The following ZRANB1 variants were observed in gnomAD, a reference collection of about 807,000 sequenced individuals.
ZRANB1 encodes the protein ubiquitin thioesterase ZRANB1.
Under a neutral mutation model 80.5 loss-of-function variants are expected in ZRANB1, and 16 were observed. The ratio of observed to expected loss-of-function variants is 0.20; its 90% CI spans 0.13 to 0.30. The LOEUF (loss-of-function observed/expected upper bound fraction) is 0.30, where lower values mean the gene tolerates loss of function less well. Ranked by LOEUF, ZRANB1 falls within the 10% of genes least tolerant of loss-of-function variation. ZRANB1 has a pLI of 1.00. For synonymous variants in ZRANB1, 291 were observed against 293.1 expected (o/e 0.99, Z 0.07); for missense variants, 576 against 862.6 (o/e 0.67, Z 4.16).
chr10:124,940,890 T>C (rs560135102), upstream of ZRANB1, among the ~76,000 whole-genome samples: 2 of 152,016 alleles, frequency 1.3e-5, no homozygotes, highest in Non-Finnish European at 2.9e-5. Context: ...GGCAGGAGAA[T>C]CGCTTGAACC....
In ZRANB1 at chr10:124,973,664, A is replaced by G; in HGVS notation, c.1176A>G (p.Pro392=). The change falls in exon 4 of 9, where the codon CCA becomes CCG. Residue 392 remains proline, a synonymous_variant. Transcript: ENST00000359653. ...TLPADIEDLP[P]TVQEKLFDEV... ...TTGTAGATATTGAAGATTTGCCCCCAACAGTCCAAGAAAAATTATTTGATG... is the reference window on the plus strand; with the variant it reads ...TTGTAGATATTGAAGATTTGCCCCCGACAGTCCAAGAAAAATTATTTGATG... 4 of 1,612,716 alleles carry G rather than the reference A, an allele frequency of 2.5e-6. No homozygotes were observed. Among genetic ancestry groups the G allele is most frequent in the Non-Finnish European group, 1.7e-6 (2 of 1,179,636 alleles).
In ZRANB1 at chr10:124,974,099, A is replaced by G. The variant is rs1313423976; in HGVS notation, c.1229-101A>G. On this transcript the variant is annotated intron_variant, in intron 4 of 8. Coordinates refer to ENST00000359653, the MANE Select transcript of ZRANB1 (RefSeq NM_017580.3). ...ATTTAGGTGTTTATTGGTAAATTAC[A>G]TATAAACCATTTTATAGCTAGAAAA... 4 of 1,192,450 alleles carry G rather than the reference A, an allele frequency of 3.4e-6. No individual in the cohort carries two copies. In the African/African-American group the frequency reaches 4.6e-5, roughly 14 times the overall value. The allele number at this position is 1,192,450 out of a possible 1,614,324, so 73.9% of individuals were successfully genotyped here.
At position 124,953,775 on chromosome 10, in the gene ZRANB1, C is replaced by G. The variant is rs532184446; in HGVS notation, c.814+10468C>G. Among the ~76,000 whole-genome samples the G allele has an allele frequency of 6.6e-5, 10 of 152,182 alleles. No homozygotes were observed. The South Asian group carries it at 2.1e-3, about 32-fold the overall frequency. On this transcript the variant is annotated intron_variant, in intron 1 of 8. Coordinates refer to ENST00000359653, the MANE Select transcript of ZRANB1 (RefSeq NM_017580.3). ...CTGTGTTGATAGCTCAGTTGCAGAT[C>G]TGTGTTCTAATATGTCATTTTTTGA...
chr10:124,928,997 G>GTC, the ZRANB1 span, among the ~76,000 whole-genome samples: 1 of 152,222 alleles, frequency 6.6e-6, no homozygotes, highest in Non-Finnish European at 1.5e-5. Context: ...AAATTTGTAA[G>GTC]TAAGGCTGGG....
intron 5 of ZRANB1, among the ~76,000 whole-genome samples, chr10:124,978,591 T>TG (rs961499348): frequency 6.6e-6 from 1 of 151,384 alleles, no homozygotes; most frequent in African/African-American, 2.5e-5. Context: ...TAATGTTAAT[T>TG]GGGGAAAAAA....
chr10:124,984,657 T>A, intron 8 of ZRANB1, 117 bp from the exon 9 acceptor site: 1 of 997,912 alleles, frequency 1.0e-6, no homozygotes, highest in Admixed American at 2.8e-5. Context: ...TGTGAAAAGT[T>A]GATTGCTTTG....
chr10:124,945,432 T>TTTC (rs1951573330), intron 1 of ZRANB1: 1 of 126,992 alleles, frequency 7.9e-6, no homozygotes, highest in African/African-American at 2.9e-5. Context: ...TTTTTTTTTT[T>TTTC]TTCAGGGAGT....
the ZRANB1 span, among the ~76,000 whole-genome samples, chr10:124,918,480 C>T: frequency 6.6e-5 from 10 of 152,214 alleles, no homozygotes; most frequent in Admixed American, 5.9e-4. Context: ...TGTGCCACCG[C>T]GCTTGGCCTG....
At chr10:124,977,586 C>G (rs1721738390) in intron 5 of ZRANB1, among the ~76,000 whole-genome samples, 1 of 151,788 alleles carries the variant, frequency 6.6e-6, no homozygotes, top group African/African-American at 2.4e-5. Flanking sequence ...TAGTGTGTGC[C>G]TGTAGTTCCA....
rs560592343 is a variant in ZRANB1, at chr10:124,952,640, C to A, written c.814+9333C>A. On this transcript the variant is annotated intron_variant, in intron 1 of 8. Coordinates refer to ENST00000359653, the MANE Select transcript of ZRANB1 (RefSeq NM_017580.3). ...TTTTTTTTTTTGGAGATGGAGTTTT[C>A]GCTCTTGTTGCCTAGGCTGGAGTGT... 3.3e-5 allele frequency among the ~76,000 whole-genome samples: 5 copies of A among 150,776 alleles called. No individual in the cohort carries two copies. In the East Asian group the frequency reaches 7.7e-4, roughly 23 times the overall value.
At chr10:124,941,885 C>T (rs1333892527), upstream of ZRANB1, among the ~76,000 whole-genome samples, 1 of 152,116 alleles carries the variant, frequency 6.6e-6, no homozygotes, top group Non-Finnish European at 1.5e-5. Flanking sequence ...GTAGCCATTA[C>T]TTCTCAACAT....
Position 124,987,078 on chromosome 10 carries a change from G to A in ZRANB1, c.*2086G>A, listed in dbSNP as rs1047570052. ...GGTTCCATTTCCTAGGCTACAGACAGGAATGGGGCTCTAAATGGTTTTCAT... is the reference window on the plus strand; with the variant it reads ...GGTTCCATTTCCTAGGCTACAGACAAGAATGGGGCTCTAAATGGTTTTCAT... On this transcript the variant is annotated 3_prime_UTR_variant, in exon 9 of 9. Transcript: ENST00000359653. 1 of 152,612 alleles carries A rather than the reference G, an allele frequency of 6.6e-6. No individual in the cohort carries two copies. The highest frequency in any genetic ancestry group is 6.5e-5 in the Admixed American group (1 of 15,272). The allele number at this position is 152,612 out of a possible 1,614,324, so 9.5% of individuals were successfully genotyped here.
chr10:124,967,018 A>G (rs913729906), intron 2 of ZRANB1, among the ~76,000 whole-genome samples: 10 of 152,220 alleles, frequency 6.6e-5, no homozygotes, highest in Non-Finnish European at 1.5e-4. Flanking sequence ...CAAACCTGGG[A>G]TGTATCTGTC....
At chr10:124,974,173 G>T in intron 4 of ZRANB1, 27 bp from the exon 5 acceptor site, 1 of 1,608,894 alleles carries the variant, frequency 6.2e-7, no homozygotes, top group South Asian at 1.1e-5. Context: ...GTATGGAAAT[G>T]AACATGTATT....
intron 1 of ZRANB1, among the ~76,000 whole-genome samples, chr10:124,950,578 A>G (rs1951630121): frequency 6.6e-6 from 1 of 152,162 alleles, no homozygotes; most frequent in South Asian, 2.1e-4. Context: ...TTTGGATTCT[A>G]ATTGTATTTG....
At chr10:124,964,921 C>T (rs1235431963) in intron 1 of ZRANB1, among the ~76,000 whole-genome samples, 2 of 152,096 alleles carry the variant, frequency 1.3e-5, no homozygotes, top group African/African-American at 2.4e-5. Context: ...AAGTTATGGG[C>T]CCTACCAGAC....
chr10:124,974,483 G>T (rs1951856907), intron 5 of ZRANB1, 85 bp downstream of exon 5: 32 of 1,390,496 alleles, frequency 2.3e-5, no homozygotes, highest in Non-Finnish European at 3.2e-5. Context: ...TTTTATGTCA[G>T]TTATATTTTC....
Position 124,945,409 on chromosome 10 carries a change from A to ATTTTTTTTTT in ZRANB1, c.814+2118_814+2127dup, listed in dbSNP as rs57697692. 1.5e-4 allele frequency: 18 copies of ATTTTTTTTTT among 123,546 alleles called. 2 individuals are homozygous for ATTTTTTTTTT. The highest frequency in any genetic ancestry group is 5.0e-4 in the African/African-American group (13 of 26,096). 7.7% of individuals were successfully genotyped at this position (123,546 alleles called of 1,614,324 possible). On this transcript the variant is annotated intron_variant, in intron 1 of 8. Coordinates refer to ENST00000359653, the MANE Select transcript of ZRANB1 (RefSeq NM_017580.3). ...ATGCCTTTGGAACAGTCTTAAAATC[A>ATTTTTTTTTT]TTTTTTTTTTTTTTTTTTTTTTTTT...
At chr10:124,958,998 T>G (rs1480279965) in intron 1 of ZRANB1, among the ~76,000 whole-genome samples, 2 of 152,212 alleles carry the variant, frequency 1.3e-5, no homozygotes, top group Admixed American at 1.3e-4. Flanking sequence ...AAAAATTGTC[T>G]TAGCTTTTAC....
Sources: gnomAD v4.1 joint callset for allele counts (sites outside exome capture counted in the v4.1 genomes callset) on GRCh38, gnomAD v4.1.1 for gene constraint, MANE v1.5 for transcripts, NCBI Gene and HGNC (gene_info 2026-07-23, HGNC 2026-07-21) for gene names.